Variants in EDIL3 observed in about 807,000 individuals in gnomAD.
The protein encoded by EDIL3 is EGF-like repeat and discoidin I-like domain-containing protein 3.
EDIL3 carries 37 observed loss-of-function variants against 67.4 expected under a neutral mutation model. The observed-to-expected ratio is 0.55, with a 90% CI of 0.42 to 0.72. The LOEUF (loss-of-function observed/expected upper bound fraction) is 0.72. Ranked by LOEUF, EDIL3 falls within the 30% of genes least tolerant of loss-of-function variation. The pLI, the probability that EDIL3 is intolerant of heterozygous loss-of-function variation, is 0.00. For synonymous variants in EDIL3, 195 were observed against 196.3 expected, an observed-to-expected ratio of 0.99 and a Z score of 0.05; for missense variants, 527 against 586.3, an observed-to-expected ratio of 0.90 and a Z score of 1.04.
intron 2 of EDIL3, among the ~76,000 whole-genome samples, chr5:84,237,124 T>C (rs890797695): frequency 6.6e-6 from 1 of 152,108 alleles, no homozygotes; most frequent in Non-Finnish European, 1.5e-5. Flanking sequence ...AAGCTGATAC[T>C]CTCAGGCTCC....
At chr5:84,192,262 A>G (rs530418013) in intron 3 of EDIL3, among the ~76,000 whole-genome samples, 2 of 151,780 alleles carry the variant, frequency 1.3e-5, no homozygotes, top group African/African-American at 4.8e-5. Context: ...ATAGCTACCC[A>G]CCATGCAAAC....
intron 9 of EDIL3, among the ~76,000 whole-genome samples, chr5:83,976,860 G>A: frequency 6.6e-6 from 1 of 151,670 alleles, no homozygotes; most frequent in East Asian, 1.9e-4. Flanking sequence ...GAATCTTCTG[G>A]AACTTGTTTC....
intron 3 of EDIL3, among the ~76,000 whole-genome samples, chr5:84,193,854 A>G (rs1288233874): frequency 6.6e-6 from 1 of 151,976 alleles, no homozygotes; most frequent in African/African-American, 2.4e-5. Flanking sequence ...AGAACCCAAC[A>G]GATACTTGCT....
chr5:84,019,624 C>A (rs1443140801), intron 9 of EDIL3, among the ~76,000 whole-genome samples: 2 of 152,050 alleles, frequency 1.3e-5, no homozygotes, highest in African/African-American at 2.4e-5. Context: ...AAAGATCAAC[C>A]TTTCAGCCTG....
intron 1 of EDIL3, among the ~76,000 whole-genome samples, chr5:84,283,159 G>C (rs1409633466): frequency 6.6e-6 from 1 of 152,004 alleles, no homozygotes; most frequent in Non-Finnish European, 1.5e-5. Context: ...ATATAAAAGA[G>C]CTGACTATAA....
At chr5:84,042,214 T>C (rs1366575150) in intron 9 of EDIL3, among the ~76,000 whole-genome samples, 1 of 152,154 alleles carries the variant, frequency 6.6e-6, no homozygotes, top group African/African-American at 2.4e-5. Context: ...TGCTTTTTTT[T>C]CTTATGATGG....
chr5:84,138,684 T>C (rs1441601807), intron 4 of EDIL3, among the ~76,000 whole-genome samples: 2 of 152,102 alleles, frequency 1.3e-5, no homozygotes, highest in African/African-American at 4.8e-5. Flanking sequence ...TTCTAATTAG[T>C]ATCCCCTCCA....
chr5:84,312,400 C>T (rs1264353161), intron 1 of EDIL3, among the ~76,000 whole-genome samples: 6 of 142,084 alleles, frequency 4.2e-5, no homozygotes, highest in Admixed American at 1.4e-4. Context: ...CCCCACCACC[C>T]TCCCGGACGG....
intron 5 of EDIL3, among the ~76,000 whole-genome samples, chr5:84,128,312 C>T (rs577975669): frequency 6.6e-6 from 1 of 151,994 alleles, no homozygotes; most frequent in African/African-American, 2.4e-5. Context: ...CTGAGAAAGG[C>T]GTTTGTCTCT....
At chr5:84,364,469 G>A (rs145288135) in intron 1 of EDIL3, among the ~76,000 whole-genome samples, 1 of 152,224 alleles carries the variant, frequency 6.6e-6, no homozygotes, top group East Asian at 1.9e-4. Flanking sequence ...ATAAACAATT[G>A]CAGTAGGTAG....
chr5:83,970,677 A>AG (rs1300564597), intron 9 of EDIL3, among the ~76,000 whole-genome samples: 1 of 113,588 alleles, frequency 8.8e-6, no homozygotes, highest in African/African-American at 2.9e-5. Context: ...ATATATATAT[A>AG]TATATATTTA....
chr5:84,040,087 A>G (rs1277088316), intron 9 of EDIL3, among the ~76,000 whole-genome samples: 2 of 152,182 alleles, frequency 1.3e-5, no homozygotes, highest in East Asian at 3.8e-4. Context: ...ATAGTAACAG[A>G]TGGATTTGCC....
intron 9 of EDIL3, among the ~76,000 whole-genome samples, chr5:84,030,510 G>C (rs1020959531): frequency 6.9e-6 from 1 of 144,662 alleles, no homozygotes; most frequent in Admixed American, 7.0e-5. Flanking sequence ...TGAAAAAATC[G>C]CACAAGAACA....
Position 83,963,193 on chromosome 5 carries a change from T to C in EDIL3, c.1293+12A>G. 4.4e-6 allele frequency: 7 copies of C among 1,585,414 alleles called. No homozygotes were observed. The highest frequency in any genetic ancestry group is 6.0e-6 in the Non-Finnish European group (7 of 1,168,262). ...CACTTCTGAACTTTATAAACCGATT[T>C]GGCTGACTTACCTTATCTTTTCTTT... On this transcript the variant is annotated intron_variant, in intron 10 of 10. Coordinates refer to ENST00000296591, the MANE Select transcript of EDIL3 (RefSeq NM_005711.5).
In EDIL3 at chr5:84,384,612, CG is replaced by C. The variant is rs1326508184; in HGVS notation, c.-239del. On this transcript the variant is annotated 5_prime_UTR_variant, in exon 1 of 11. Transcript: ENST00000296591. ...CCGGCGCGCGGAGGTGGGTGAGCTC[CG>C]GGGAGCCGCCGGCGGGCTCAGCCCT... is the stretch of plus-strand genomic sequence containing the variant. 6 of 334,066 alleles carry C rather than the reference CG, an allele frequency of 1.8e-5. No individual in the cohort carries two copies. Among genetic ancestry groups the C allele is most frequent in the African/African-American group, 1.1e-4 (5 of 46,454 alleles). 20.7% of individuals were successfully genotyped at this position (334,066 alleles called of 1,614,324 possible). A position where few individuals can be genotyped will look rare whatever the true frequency, so the allele number is the denominator to read the frequency against.
At chr5:84,305,883 G>GTAAA (rs769566499) in intron 1 of EDIL3, among the ~76,000 whole-genome samples, 10,409 of 138,644 alleles carry the variant, frequency 0.075, 458 homozygotes, top group East Asian at 0.13. Flanking sequence ...GGTCTTAAAA[G>GTAAA]TAAATAAATA....
chr5:84,255,628 T>C (rs2112078105), intron 1 of EDIL3, among the ~76,000 whole-genome samples: 1 of 152,210 alleles, frequency 6.6e-6, no homozygotes, highest in East Asian at 1.9e-4. Context: ...TATGTTATTC[T>C]CTGTAAGGTT....
chr5:84,336,128 G>A (rs188260866), intron 1 of EDIL3, among the ~76,000 whole-genome samples: 1 of 152,290 alleles, frequency 6.6e-6, no homozygotes, highest in East Asian at 1.9e-4. Context: ...TCAGAGCATA[G>A]CAGAGGGCAT....
chr5:84,112,873 A>C (rs983516181), intron 5 of EDIL3, among the ~76,000 whole-genome samples: 3 of 152,168 alleles, frequency 2.0e-5, no homozygotes, highest in Admixed American at 6.6e-5. Context: ...AAGGTAAATA[A>C]ACAATACAAA....
Sources: gnomAD v4.1 joint callset for allele counts (sites outside exome capture counted in the v4.1 genomes callset) on GRCh38, gnomAD v4.1.1 for gene constraint, MANE v1.5 for transcripts, NCBI Gene and HGNC (gene_info 2026-07-23, HGNC 2026-07-21) for gene names.